AMER2: variants seen among roughly 807,000 people sequenced by gnomAD.
AMER2 encodes the protein family with sequence similarity 123A.
In AMER2, 1 loss-of-function variant was observed where a neutral mutation model predicts 4.7. The ratio of observed to expected loss-of-function variants is 0.21; its 90% CI spans 0.07 to 1.00. The LOEUF (loss-of-function observed/expected upper bound fraction) is 1.00. AMER2 is among the 50% of genes least tolerant of loss of function. The probability of loss-of-function intolerance (pLI) is 0.60; values close to 1 mark genes in which losing one functional copy is unlikely to be tolerated. For synonymous variants in AMER2, 485 were observed against 433.3 expected (o/e 1.12, Z -1.48); for missense variants, 988 against 966.9 (o/e 1.02, Z -0.29).
chr13:25,167,413 C>T lies in AMER2; in HGVS notation c.*2191G>A, dbSNP rs570636095. On this transcript the variant is annotated 3_prime_UTR_variant, in exon 1 of 1. Coordinates refer to ENST00000515384, the MANE Select transcript of AMER2 (RefSeq NM_152704.4). ...GTATTTTGAGCCTAAATAGTACCAG[C>T]GGCATGAAATCAAATGTAAATCCCT... The T allele has an allele frequency of 3.9e-5, 6 of 152,110 alleles. No homozygotes were observed. The highest frequency in any genetic ancestry group is 1.2e-4 in the African/African-American group (5 of 41,434). The allele number at this position is 152,110 out of a possible 1,614,324, so 9.4% of individuals were successfully genotyped here.
chr13:25,169,455 G>C lies in AMER2; in HGVS notation c.*149C>G. ...ATCCGGTCCCTGCTCAGGGCACAAAGACCTCCTCGGTCCACGCTCTGGAGC... is the reference window on the plus strand; with the variant it reads ...ATCCGGTCCCTGCTCAGGGCACAAACACCTCCTCGGTCCACGCTCTGGAGC... On this transcript the variant is annotated 3_prime_UTR_variant, in exon 1 of 1. Coordinates refer to ENST00000515384, the MANE Select transcript of AMER2 (RefSeq NM_152704.4). The surrounding 1 kb of genome is among the most constrained non-coding windows in gnomAD (Gnocchi z 4.2). 1.9e-6 allele frequency: 2 copies of C among 1,052,716 alleles called. No homozygotes were observed. Among genetic ancestry groups the C allele is most frequent in the East Asian group, 2.7e-5 (1 of 37,232 alleles). The allele number at this position is 1,052,716 out of a possible 1,614,324, so 65.2% of individuals were successfully genotyped here.
chr13:25,171,268 CGCTCTCCAGCACCAGCACCTCG>C lies in AMER2; in HGVS notation c.330_351del (p.Glu111AlafsTer50). On this transcript the variant is annotated frameshift_variant, in exon 1 of 1. Transcript: ENST00000515384. LOFTEE classifies it low-confidence loss of function (END_TRUNC). The surrounding 1 kb of genome is among the most constrained non-coding windows in gnomAD (Gnocchi z 5.9). Reference sequence around the variant, plus strand: ...CCGCCGCGCGGCTCCTCCTTCCTGCCGCTCTCCAGCACCAGCACCTCGGCAAGTCCGTCGTGGGTCCTGCTCC... The same window carrying C: ...CCGCCGCGCGGCTCCTCCTTCCTGCCGCAAGTCCGTCGTGGGTCCTGCTCC... 1 of 1,511,742 alleles carries C rather than the reference CGCTCTCCAGCACCAGCACCTCG, an allele frequency of 6.6e-7. No individual in the cohort carries two copies. Among genetic ancestry groups the C allele is most frequent in the Non-Finnish European group, 8.8e-7 (1 of 1,132,750 alleles). The allele number at this position is 1,511,742 out of a possible 1,614,324, so 93.6% of individuals were successfully genotyped here.
In AMER2 at chr13:25,161,876, T is replaced by C. The variant is rs1956411371; in HGVS notation, c.*7728A>G. ...AATGGTACATATGCACAAAATGGAA[T>C]TATATCAACAAATATACAAAATACC... On this transcript the variant is annotated 3_prime_UTR_variant, in exon 1 of 1. Transcript: ENST00000515384. The C allele has an allele frequency of 6.6e-6, 1 of 152,082 alleles. No individual in the cohort carries two copies. Among genetic ancestry groups the C allele is most frequent in the South Asian group, 2.1e-4 (1 of 4,818 alleles). The allele number at this position is 152,082 out of a possible 1,614,324, so 9.4% of individuals were successfully genotyped here.
In AMER2 at chr13:25,170,119, G is replaced by C. The variant is rs571806982; in HGVS notation, c.1501C>G (p.His501Asp). The change falls in exon 1 of 1, where the codon CAT (histidine) becomes GAT (aspartate). Residue 501 changes from histidine (H) to aspartate (D), a missense_variant. Transcript: ENST00000515384. The surrounding 1 kb of genome is among the most constrained non-coding windows in gnomAD (Gnocchi z 7.3). ...RRLNRIPIEP[H>D]PKEEPKHPEK... ...GGGTGCTTGGGCTCCTCCTTAGGAT[G>C]GGGCTCGATGGGAATCCGGTTGAGC... is the stretch of plus-strand genomic sequence containing the variant. 1 of 1,614,030 alleles carries C rather than the reference G, an allele frequency of 6.2e-7. No homozygotes were observed. Among genetic ancestry groups the C allele is most frequent in the East Asian group, 2.2e-5 (1 of 44,854 alleles).
At position 25,166,483 on chromosome 13, in the gene AMER2, A is replaced by G. The variant is rs980408883; in HGVS notation, c.*3121T>C. On this transcript the variant is annotated 3_prime_UTR_variant, in exon 1 of 1. Transcript: ENST00000515384. ...CAGTGTATGTGTAATATAGACATTC[A>G]AGTCAGGCTGTCTTTGTGCAGAGCT... 11 of 152,260 alleles carry G rather than the reference A, an allele frequency of 7.2e-5. No individual in the cohort carries two copies. Among genetic ancestry groups the G allele is most frequent in the African/African-American group, 2.4e-4 (10 of 41,470 alleles). The allele number at this position is 152,260 out of a possible 1,614,324, so 9.4% of individuals were successfully genotyped here.
chr13:25,170,338 G>A lies in AMER2; in HGVS notation c.1282C>T (p.Pro428Ser). The A allele has an allele frequency of 6.2e-7, 1 of 1,614,056 alleles. No individual in the cohort carries two copies. Among genetic ancestry groups the A allele is most frequent in the Non-Finnish European group, 8.5e-7 (1 of 1,180,014 alleles). ...AGATAGGTGTCGTCCACCTCGTCCGGGCTGGCCATCTCTTCCCCGCCTCCT... is the reference window on the plus strand; with the variant it reads ...AGATAGGTGTCGTCCACCTCGTCCGAGCTGGCCATCTCTTCCCCGCCTCCT... The part of the protein sequence containing the change: ...YQGGGEEMAS[P>S]DEVDDTYLQE... Residue 428 changes from proline (P) to serine (S), a missense_variant, in exon 1 of 1, where the codon CCG becomes TCG. Transcript: ENST00000515384. The surrounding 1 kb of genome is among the most constrained non-coding windows in gnomAD (Gnocchi z 7.3).
chr13:25,172,200 CT>C lies in AMER2; in HGVS notation c.-582del. On this transcript the variant is annotated 5_prime_UTR_variant, in exon 1 of 1. Transcript: ENST00000515384. Reference sequence around the variant, plus strand: ...TGTGGCTGTCATTGTGGTTATGGTTCTTGTGACAAAAGTACACGCCACCACT... The same window carrying C: ...TGTGGCTGTCATTGTGGTTATGGTTCTGTGACAAAAGTACACGCCACCACT... 1 of 152,524 alleles carries C rather than the reference CT, an allele frequency of 6.6e-6. No individual in the cohort carries two copies. The highest frequency in any genetic ancestry group is 1.5e-5 in the Non-Finnish European group (1 of 68,182). 9.4% of individuals were successfully genotyped at this position (152,524 alleles called of 1,614,324 possible). A position where few individuals can be genotyped will look rare whatever the true frequency, so the allele number is the denominator to read the frequency against.
Position 25,162,389 on chromosome 13 carries a change from C to T in AMER2, c.*7215G>A, listed in dbSNP as rs978946885. On this transcript the variant is annotated 3_prime_UTR_variant, in exon 1 of 1. Coordinates refer to ENST00000515384, the MANE Select transcript of AMER2 (RefSeq NM_152704.4). ...GCCAACAACATCAAAAGCATTTTCC[C>T]TGATATTCCTGATAGACCTACCACT... 6.6e-6 allele frequency: 1 copy of T among 152,180 alleles called. No individual in the cohort carries two copies. The highest frequency in any genetic ancestry group is 2.4e-5 in the African/African-American group (1 of 41,432). The allele number at this position is 152,180 out of a possible 1,614,324, so 9.4% of individuals were successfully genotyped here.
Position 25,169,478 on chromosome 13 carries a change from A to T in AMER2, c.*126T>A. The stretch of plus-strand genomic sequence containing the variant: ...AAGACCTCCTCGGTCCACGCTCTGG[A>T]GCAGGGCGGGGGACGGGTGGTGTCC... On this transcript the variant is annotated 3_prime_UTR_variant, in exon 1 of 1. Coordinates refer to ENST00000515384, the MANE Select transcript of AMER2 (RefSeq NM_152704.4). The surrounding 1 kb of genome is among the most constrained non-coding windows in gnomAD (Gnocchi z 4.2). 7.7e-7 allele frequency: 1 copy of T among 1,303,950 alleles called. No homozygotes were observed. Among genetic ancestry groups the T allele is most frequent in the African/African-American group, 1.5e-5 (1 of 67,552 alleles). The allele number at this position is 1,303,950 out of a possible 1,614,324, so 80.8% of individuals were successfully genotyped here.
chr13:25,166,831 T>C lies in AMER2; in HGVS notation c.*2773A>G, dbSNP rs569259360. On this transcript the variant is annotated 3_prime_UTR_variant, in exon 1 of 1. Coordinates refer to ENST00000515384, the MANE Select transcript of AMER2 (RefSeq NM_152704.4). ...CACAAGAAAGCAACTATGATCCCTTTTCTATGGTTGGAAAAAGTTGAGAAT... is the reference window on the plus strand; with the variant it reads ...CACAAGAAAGCAACTATGATCCCTTCTCTATGGTTGGAAAAAGTTGAGAAT... 6.6e-5 allele frequency: 10 copies of C among 152,294 alleles called. No individual in the cohort carries two copies. The South Asian group carries it at 2.1e-3, about 32-fold the overall frequency. 9.4% of individuals were successfully genotyped at this position (152,294 alleles called of 1,614,324 possible).
rs373339623 is a variant in AMER2 at position 25,170,869 on chromosome 13, G to A, written c.751C>T (p.Pro251Ser). Residue 251 changes from proline to serine, a missense_variant, in exon 1 of 1, where the codon CCC becomes TCC. Pro to Ser is a moderately conservative substitution (Grantham distance 74). Transcript: ENST00000515384. The surrounding 1 kb of genome is among the most constrained non-coding windows in gnomAD (Gnocchi z 7.3). ...TPRAAREPEE[P>S]SQDAPRDPAG... The stretch of plus-strand genomic sequence containing the variant: ...GGGTCTCGCGGGGCGTCCTGGCTGG[G>A]CTCCTCCGGCTCGCGCGCGGCTCTG... 2.0e-4 allele frequency: 294 copies of A among 1,454,226 alleles called. No homozygotes were observed. Among genetic ancestry groups the A allele is most frequent in the Non-Finnish European group, 2.4e-4 (267 of 1,111,968 alleles). The allele number at this position is 1,454,226 out of a possible 1,614,324, so 90.1% of individuals were successfully genotyped here.
Position 25,170,963 on chromosome 13 carries a change from C to A in AMER2, c.657G>T (p.Ala219=), listed in dbSNP as rs755600504. ...RAKAEAAEGR[A]PGGGLILPGS... is the part of the protein sequence containing the mutation. ...CGGGTAGGATCAAGCCGCCCCCGGG[C>A]GCGCGCCCCTCCGCGGCCTCCGCCT... The change falls in exon 1 of 1, where the codon GCG becomes GCT. Residue 219 remains alanine, a synonymous_variant. Coordinates refer to ENST00000515384, the MANE Select transcript of AMER2 (RefSeq NM_152704.4). The surrounding 1 kb of genome is among the most constrained non-coding windows in gnomAD (Gnocchi z 7.3). The A allele has an allele frequency of 1.1e-5, 17 of 1,541,192 alleles. No homozygotes were observed. In the South Asian group the frequency reaches 1.8e-4, roughly 16 times the overall value.
In AMER2 at chr13:25,170,189, C is replaced by T. The variant is rs1473276255; in HGVS notation, c.1431G>A (p.Arg477=). The T allele has an allele frequency of 6.2e-7, 1 of 1,613,242 alleles. No individual in the cohort carries two copies. The highest frequency in any genetic ancestry group is 8.5e-7 in the Non-Finnish European group (1 of 1,179,614). Residue 477 remains arginine, a synonymous_variant, in exon 1 of 1, where the codon AGG becomes AGA. Coordinates refer to ENST00000515384, the MANE Select transcript of AMER2 (RefSeq NM_152704.4). This position sits in a 1 kb window ranked among gnomAD's most constrained non-coding sequence, Gnocchi z 7.3. ...KVVPETPKDT[R]CVEAAKDASS... is the part of the protein sequence containing the mutation. ...ACGCGTCCTTGGCCGCTTCCACACA[C>T]CTGGTGTCTTTGGGGGTCTCGGGCA...
chr13:25,171,044 C>T lies in AMER2; in HGVS notation c.576G>A (p.Arg192=), dbSNP rs140131525. The part of the protein sequence containing the change: ...DASKAGGKQK[R]GLRGLFSGMR... ...TGCCGCTGAACAGCCCCCGCAGCCC[C>T]CGCTTTTGTTTGCCGCCGGCCTTGC... Residue 192 remains arginine, a synonymous_variant, in exon 1 of 1, where the codon CGG becomes CGA. Coordinates refer to ENST00000515384, the MANE Select transcript of AMER2 (RefSeq NM_152704.4). The surrounding 1 kb of genome is among the most constrained non-coding windows in gnomAD (Gnocchi z 5.9). The T allele has an allele frequency of 6.3e-5, 99 of 1,574,440 alleles. 1 individual carries two copies. Among genetic ancestry groups the T allele is most frequent in the Non-Finnish European group, 8.2e-5 (95 of 1,161,788 alleles).
At position 25,171,645 on chromosome 13, in the gene AMER2, T is replaced by C. The variant is rs1235372058; in HGVS notation, c.-26A>G. ...GGAAACCGCGCGGGATAAGCCGCTT[T>C]CGTCAGCAGTGGGCTCGCGCCAGGC... is the stretch of plus-strand genomic sequence containing the variant. On this transcript the variant is annotated 5_prime_UTR_variant, in exon 1 of 1. Transcript: ENST00000515384. This position sits in a 1 kb window ranked among gnomAD's most constrained non-coding sequence, Gnocchi z 5.9. 1.4e-6 allele frequency: 2 copies of C among 1,451,988 alleles called. No individual in the cohort carries two copies. The highest frequency in any genetic ancestry group is 2.5e-5 in the East Asian group (1 of 39,226). The allele number at this position is 1,451,988 out of a possible 1,614,324, so 89.9% of individuals were successfully genotyped here.
At position 25,167,544 on chromosome 13, in the gene AMER2, T is replaced by C. The variant is rs1246853140; in HGVS notation, c.*2060A>G. On this transcript the variant is annotated 3_prime_UTR_variant, in exon 1 of 1. Transcript: ENST00000515384. Reference sequence around the variant, plus strand: ...AGTGCATGAGCACGTGAGTGTGAGATGCTTATATGAATTCTTGGTAGTGTG... The same window carrying C: ...AGTGCATGAGCACGTGAGTGTGAGACGCTTATATGAATTCTTGGTAGTGTG... The C allele has an allele frequency of 6.6e-6, 1 of 152,216 alleles. No individual in the cohort carries two copies. Among genetic ancestry groups the C allele is most frequent in the Non-Finnish European group, 1.5e-5 (1 of 68,016 alleles). 9.4% of individuals were successfully genotyped at this position (152,216 alleles called of 1,614,324 possible). A position where few individuals can be genotyped will look rare whatever the true frequency, so the allele number is the denominator to read the frequency against.
chr13:25,170,552 G>T lies in AMER2; in HGVS notation c.1068C>A (p.Asp356Glu). ...PDPASVDPPS[D>E]PSADRICLMF... ...TCAAACAAATACGATCTGCCGACGGGTCTGAGGGTGGATCGACAGAGGCAG... is the reference window on the plus strand; with the variant it reads ...TCAAACAAATACGATCTGCCGACGGTTCTGAGGGTGGATCGACAGAGGCAG... Residue 356 changes from aspartate (D) to glutamate (E), a missense_variant, in exon 1 of 1, where the codon GAC becomes GAA. Transcript: ENST00000515384. This position sits in a 1 kb window ranked among gnomAD's most constrained non-coding sequence, Gnocchi z 7.3. 2 of 1,613,456 alleles carry T rather than the reference G, an allele frequency of 1.2e-6. No individual in the cohort carries two copies. The highest frequency in any genetic ancestry group is 1.7e-6 in the Non-Finnish European group (2 of 1,179,670).
rs373928356 is a variant in AMER2 at position 25,170,051 on chromosome 13, G to A, written c.1569C>T (p.Gly523=). 4.0e-5 allele frequency: 64 copies of A among 1,613,760 alleles called. No homozygotes were observed. In the African/African-American group the frequency reaches 7.7e-4, roughly 20 times the overall value. Residue 523 remains glycine, a synonymous_variant, in exon 1 of 1, where the codon GGC becomes GGT. Coordinates refer to ENST00000515384, the MANE Select transcript of AMER2 (RefSeq NM_152704.4). This position sits in a 1 kb window ranked among gnomAD's most constrained non-coding sequence, Gnocchi z 7.3. ...GGCCTGGCGTGGTGGAGTCCCAGTA[G>A]CCCTCGTCGCTGTTGGGGACGCCTT... is the stretch of plus-strand genomic sequence containing the variant. ...QQEGVPNSDE[G]YWDSTTPGPE... is the part of the protein sequence containing the mutation.
rs766431868 is a variant in AMER2, at chr13:25,170,654, C to T, written c.966G>A (p.Thr322=). The T allele has an allele frequency of 6.4e-6, 10 of 1,551,310 alleles. No homozygotes were observed. The highest frequency in any genetic ancestry group is 7.8e-6 in the Non-Finnish European group (9 of 1,147,304). The change falls in exon 1 of 1, where the codon ACG becomes ACA. Residue 322 remains threonine, a synonymous_variant. Transcript: ENST00000515384. This position sits in a 1 kb window ranked among gnomAD's most constrained non-coding sequence, Gnocchi z 7.3. The stretch of plus-strand genomic sequence containing the variant: ...GGACCGTCTTTACGGGAACGGCCCC[C>T]GTCCTGGAAGCGTCCTCTGCCGTGC... ...EVRTAEDASR[T]GAVPVKTVPL... is the part of the protein sequence containing the mutation.
Sources: allele counts gnomAD v4.1 joint callset, GRCh38; gene constraint gnomAD v4.1.1; non-coding constraint Gnocchi (gnomAD v3.1); transcripts MANE v1.5; gene names NCBI Gene and HGNC (gene_info 2026-07-23, HGNC 2026-07-21).